ADGRL3: variants seen among roughly 807,000 people sequenced by gnomAD.
ADGRL3 encodes the protein adhesion G protein-coupled receptor L3.
In ADGRL3, 62 loss-of-function variants were observed where a neutral mutation model predicts 153.5. That is an observed-to-expected ratio of 0.40 (90% CI 0.33 to 0.50). The LOEUF is 0.50. Among genes scored for constraint, ADGRL3 ranks in the 20% least tolerant of loss-of-function variants. ADGRL3 has a pLI of 0.47. For missense variants in ADGRL3, 1,641 were observed against 1,859.4 expected (o/e 0.88, Z 2.16); for synonymous variants, 710 against 672.5 (o/e 1.06, Z -0.86).
At chr4:61,510,396 C>T (rs1480479048) in intron 3 of ADGRL3, among the ~76,000 whole-genome samples, 1 of 152,232 alleles carries the variant, frequency 6.6e-6, no homozygotes, top group Non-Finnish European at 1.5e-5. Flanking sequence ...TAGGGTCTCA[C>T]ATTTAGAATT....
At chr4:61,827,032 C>T (rs2097812465) in intron 9 of ADGRL3, among the ~76,000 whole-genome samples, 1 of 152,118 alleles carries the variant, frequency 6.6e-6, no homozygotes, top group Admixed American at 6.6e-5. Flanking sequence ...AAAATGGGTT[C>T]ACTTTTCTGA....
chr4:61,289,014 T>TTA (rs1326563198), intron 1 of ADGRL3, among the ~76,000 whole-genome samples: 4 of 152,056 alleles, frequency 2.6e-5, no homozygotes, highest in South Asian at 4.2e-4. Context: ...ATACATATAT[T>TTA]TATATATACA....
rs189093029 is a variant in ADGRL3, at chr4:62,023,865, A to G, written c.3396-4990A>G. ...ACTTTATTGTGATGGTCTGGAACTG[A>G]GCCTGCAGTATCTCTCAGGTATGCC... On this transcript the variant is annotated intron_variant, in intron 21 of 26. Coordinates refer to ENST00000683033, the MANE Select transcript of ADGRL3 (RefSeq NM_001387552.1). Among the ~76,000 whole-genome samples, 3 of 152,284 alleles carry G rather than the reference A, an allele frequency of 2.0e-5. No individual in the cohort carries two copies. In the East Asian group the frequency reaches 5.8e-4, roughly 29 times the overall value.
At chr4:61,701,563 T>G (rs1278070331) in intron 6 of ADGRL3, among the ~76,000 whole-genome samples, 4 of 150,348 alleles carry the variant, frequency 2.7e-5, no homozygotes, top group African/African-American at 9.8e-5. Flanking sequence ...GCCTCCCAAG[T>G]AGCTGGGACT....
At chr4:61,842,461 G>A (rs535855773) in intron 9 of ADGRL3, among the ~76,000 whole-genome samples, 3 of 152,236 alleles carry the variant, frequency 2.0e-5, no homozygotes, top group East Asian at 1.9e-4. Context: ...CTGCTTTGGG[G>A]CATTCTTAGT....
chr4:61,783,852 T>C (rs2097244800), intron 8 of ADGRL3, among the ~76,000 whole-genome samples: 1 of 152,100 alleles, frequency 6.6e-6, no homozygotes, highest in African/African-American at 2.4e-5. Flanking sequence ...AAATGAGATA[T>C]TTAGCAAAAT....
chr4:61,279,029 T>C (rs2093609814), intron 1 of ADGRL3, among the ~76,000 whole-genome samples: 1 of 152,190 alleles, frequency 6.6e-6, no homozygotes, highest in South Asian at 2.1e-4. Flanking sequence ...TTTAAACATG[T>C]TGTTGCTCTA....
intron 1 of ADGRL3, among the ~76,000 whole-genome samples, chr4:61,293,715 T>G (rs2094308330): frequency 6.6e-6 from 1 of 152,194 alleles, no homozygotes; most frequent in East Asian, 1.9e-4. Flanking sequence ...AACTCACTTT[T>G]TAATAAGCTA....
At chr4:61,535,376 T>C (rs2098649353) in intron 4 of ADGRL3, among the ~76,000 whole-genome samples, 1 of 152,118 alleles carries the variant, frequency 6.6e-6, no homozygotes. Flanking sequence ...TCTGTGTTCA[T>C]CAGGGATATT....
intron 3 of ADGRL3, among the ~76,000 whole-genome samples, chr4:61,513,986 C>A (rs1467673966): frequency 6.6e-6 from 1 of 152,106 alleles, no homozygotes; most frequent in African/African-American, 2.4e-5. Flanking sequence ...GTTAATGCCA[C>A]AACATGCTGG....
At chr4:61,550,641 A>C (rs1421428443) in intron 4 of ADGRL3, among the ~76,000 whole-genome samples, 3 of 124,246 alleles carry the variant, frequency 2.4e-5, no homozygotes, top group Non-Finnish European at 3.5e-5. Flanking sequence ...AGCAAAGGAA[A>C]ATTTTTAAGA....
Position 61,979,669 on chromosome 4 carries a change from G to A in ADGRL3, c.2912G>A (p.Arg971Gln), listed in dbSNP as rs771097660. The A allele has an allele frequency of 9.3e-6, 15 of 1,613,484 alleles. No individual in the cohort carries two copies. The highest frequency in any genetic ancestry group is 4.4e-5 in the South Asian group (4 of 91,048). Reference protein sequence around the residue: ...LICIFTFCFFRGLQSDRNTIH... With the variant: ...LICIFTFCFFQGLQSDRNTIH... Reference sequence around the variant, plus strand: ...TGCATCTTCACATTTTGCTTTTTCCGGGGGCTCCAGAGTGACCGTAACACC... The same window carrying A: ...TGCATCTTCACATTTTGCTTTTTCCAGGGGCTCCAGAGTGACCGTAACACC... The change falls in exon 18 of 27, where the codon CGG (arginine) becomes CAG (glutamine). Residue 971 changes from arginine to glutamine, a missense_variant. Transcript: ENST00000683033.
chr4:61,372,152 CA>C (rs1183953662), intron 1 of ADGRL3, among the ~76,000 whole-genome samples: 3 of 151,908 alleles, frequency 2.0e-5, no homozygotes, highest in African/African-American at 7.3e-5. Context: ...TGAAAGTTTT[CA>C]ACTTCTTTTC....
intron 1 of ADGRL3, among the ~76,000 whole-genome samples, chr4:61,300,839 C>G (rs1173052973): frequency 6.7e-6 from 1 of 150,050 alleles, no homozygotes; most frequent in East Asian, 2.0e-4. Context: ...GATCTCAGCT[C>G]ACTGCAGGCT....
chr4:61,939,882 G>T (rs1268463921), intron 15 of ADGRL3, among the ~76,000 whole-genome samples: 1 of 151,564 alleles, frequency 6.6e-6, no homozygotes, highest in African/African-American at 2.4e-5. Flanking sequence ...GATGTTCCAC[G>T]TATCAATAGT....
chr4:61,742,388 C>T (rs2096592392), intron 8 of ADGRL3, among the ~76,000 whole-genome samples: 1 of 152,110 alleles, frequency 6.6e-6, no homozygotes, highest in Non-Finnish European at 1.5e-5. Flanking sequence ...ACACTATTCT[C>T]CTGCCTCAGC....
At chr4:61,621,040 T>A (rs2092474197) in intron 5 of ADGRL3, among the ~76,000 whole-genome samples, 1 of 152,218 alleles carries the variant, frequency 6.6e-6, no homozygotes, top group South Asian at 2.1e-4. Flanking sequence ...GTTTTTTATT[T>A]GTTGTTTTGT....
intron 9 of ADGRL3, among the ~76,000 whole-genome samples, chr4:61,863,339 GC>G (rs1043516316): frequency 1.4e-5 from 2 of 139,028 alleles, no homozygotes; most frequent in African/African-American, 5.4e-5. Context: ...CCGGGTTCAC[GC>G]CATTCTCCTG....
chr4:61,380,210 G>A (rs916480726), intron 1 of ADGRL3, among the ~76,000 whole-genome samples: 1 of 151,628 alleles, frequency 6.6e-6, no homozygotes, highest in Non-Finnish European at 1.5e-5. Context: ...GTGTGTGTTT[G>A]TGTGTGTGTA....
Sources: allele counts gnomAD v4.1 joint callset (sites outside exome capture counted in the v4.1 genomes callset), GRCh38; gene constraint gnomAD v4.1.1; transcripts MANE v1.5; gene names NCBI Gene and HGNC (gene_info 2026-07-23, HGNC 2026-07-21).